ENTPD7: variants seen among roughly 807,000 people sequenced by gnomAD.
ENTPD7 encodes NTPDase 7.
A neutral mutation model predicts 77.9 loss-of-function variants in ENTPD7; 53 were observed. That is an observed-to-expected ratio of 0.68 (90% CI 0.55 to 0.85). The LOEUF is 0.85. ENTPD7 is among the 40% of genes least tolerant of loss of function. The probability of loss-of-function intolerance (pLI) is 0.00; values close to 1 mark genes in which losing one functional copy is unlikely to be tolerated. For missense variants in ENTPD7, 636 were observed against 743.7 expected (o/e 0.86, Z 1.68); for synonymous variants, 248 against 274.9 (o/e 0.90, Z 0.97).
At chr10:99,671,428 A>T (rs1305721831) in intron 3 of ENTPD7, among the ~76,000 whole-genome samples, 1 of 148,888 alleles carries the variant, frequency 6.7e-6, no homozygotes, top group Non-Finnish European at 1.5e-5. Context: ...TCCTTTTAAA[A>T]CTTATTTGTT....
At position 99,696,148 on chromosome 10, in the gene ENTPD7, T is replaced by C. The variant is rs541215340; in HGVS notation, c.1010+26T>C. 6.8e-5 allele frequency: 110 copies of C among 1,610,596 alleles called. 2 individuals carry two copies. The highest frequency in any genetic ancestry group is 3.3e-4 in the South Asian group (30 of 90,710). On this transcript the variant is annotated intron_variant, in intron 9 of 12. Coordinates refer to ENST00000370489, the MANE Select transcript of ENTPD7 (RefSeq NM_020354.5). Reference sequence around the variant, plus strand: ...GTACATTTGATATGGGATCTGAGTTTCTGAAATATAATGTCAGGCTGCAGA... The same window carrying C: ...GTACATTTGATATGGGATCTGAGTTCCTGAAATATAATGTCAGGCTGCAGA...
At chr10:99,688,798 T>C (rs991860402) in intron 7 of ENTPD7, 48 bp downstream of exon 7, 10 of 1,586,946 alleles carry the variant, frequency 6.3e-6, no homozygotes, top group Non-Finnish European at 8.6e-6. Context: ...GGCTGAAGAT[T>C]TAAGTTATAA....
chr10:99,673,698 C>T (rs953823030), intron 3 of ENTPD7, among the ~76,000 whole-genome samples: 6 of 152,106 alleles, frequency 3.9e-5, no homozygotes, highest in African/African-American at 1.2e-4. Context: ...CTTATTTTGG[C>T]AGGAATCAGA....
At chr10:99,671,020 A>AAATAAT (rs60465828) in intron 3 of ENTPD7, among the ~76,000 whole-genome samples, 5 of 151,520 alleles carry the variant, frequency 3.3e-5, no homozygotes, top group Non-Finnish European at 5.9e-5. Context: ...CCTGTCTCAA[A>AAATAAT]AATAATAATA....
Position 99,708,915 on chromosome 10 carries a change from A to G in ENTPD7, c.*4232A>G, listed in dbSNP as rs2133544284. The G allele has an allele frequency of 1.0e-6, 1 of 985,440 alleles. No individual in the cohort carries two copies. Among genetic ancestry groups the G allele is most frequent in the Non-Finnish European group, 1.2e-6 (1 of 829,908 alleles). 61.0% of individuals were successfully genotyped at this position (985,440 alleles called of 1,614,324 possible). On this transcript the variant is annotated 3_prime_UTR_variant, in exon 13 of 13. Transcript: ENST00000370489. ...TCTATTTTTTATAAAACAGCTGGCC[A>G]CAACTAACCATGCCCCATCTTTACA...
At position 99,679,396 on chromosome 10, in the gene ENTPD7, C is replaced by G; in HGVS notation, c.327C>G (p.Pro109=). ...TCTGGCCAAGACATAATGGGAACCC[C>G]CATGACTTGCTGGACATCAAACAGA... ...VYFWPRHNGN[P]HDLLDIKQMR... The change falls in exon 4 of 13, where the codon CCC becomes CCG. Residue 109 remains proline (P), a synonymous_variant. Coordinates refer to ENST00000370489, the MANE Select transcript of ENTPD7 (RefSeq NM_020354.5). 6.2e-7 allele frequency: 1 copy of G among 1,614,054 alleles called. No individual in the cohort carries two copies. Among genetic ancestry groups the G allele is most frequent in the Non-Finnish European group, 8.5e-7 (1 of 1,180,008 alleles).
intron 7 of ENTPD7, among the ~76,000 whole-genome samples, chr10:99,690,131 C>A (rs1374706417): frequency 1.3e-5 from 2 of 152,022 alleles, no homozygotes; most frequent in African/African-American, 4.8e-5. Context: ...TTAATATGAC[C>A]CCAATACTCT....
At chr10:99,666,754 C>A (rs1452048577) in intron 3 of ENTPD7, among the ~76,000 whole-genome samples, 1 of 152,166 alleles carries the variant, frequency 6.6e-6, no homozygotes, top group East Asian at 1.9e-4. Flanking sequence ...TTGTGCAAAA[C>A]CACCTAACAG....
rs751025369 is a variant in ENTPD7 at position 99,680,800 on chromosome 10, C to G, written c.548+925C>G. On this transcript the variant is annotated intron_variant, in intron 5 of 12. Transcript: ENST00000370489. ...CCATGTTGCCCAGGCTGGTTTAGAA[C>G]TCCTGGGCTCAAGTGATCCGCTTGC... Among the ~76,000 whole-genome samples, 5 of 152,110 alleles carry G rather than the reference C, an allele frequency of 3.3e-5. No homozygotes were observed. In the South Asian group the frequency reaches 1.0e-3, roughly 31 times the overall value.
intron 12 of ENTPD7, 66 bp from the exon 13 acceptor site, chr10:99,704,386 T>G: frequency 6.6e-6 from 10 of 1,512,106 alleles, no homozygotes; most frequent in Non-Finnish European, 7.3e-6. Context: ...GCCTTTCAAA[T>G]CAGTAAATGT....
chr10:99,667,662 G>T (rs958366082), intron 3 of ENTPD7, among the ~76,000 whole-genome samples: 55 of 152,276 alleles, frequency 3.6e-4, no homozygotes, highest in African/African-American at 1.3e-3. Flanking sequence ...GTTCTCATTT[G>T]CATGGTTCTC....
At chr10:99,700,081 G>C (rs536890524) in intron 10 of ENTPD7, among the ~76,000 whole-genome samples, 1 of 152,092 alleles carries the variant, frequency 6.6e-6, no homozygotes, top group African/African-American at 2.4e-5. Flanking sequence ...CCTCCAGGAC[G>C]ACCTTCACGC....
At position 99,711,154 on chromosome 10, in the gene ENTPD7, T is replaced by C. The variant is rs2036371490; in HGVS notation, c.*6471T>C. 1.0e-6 allele frequency: 1 copy of C among 985,300 alleles called. No individual in the cohort carries two copies. 61.0% of individuals were successfully genotyped at this position (985,300 alleles called of 1,614,324 possible). The stretch of plus-strand genomic sequence containing the variant: ...CAGAAGCTCATAGATATAATACAGT[T>C]ATATAGCTAAATGCAACCAGTTGTT... On this transcript the variant is annotated 3_prime_UTR_variant, in exon 13 of 13. Coordinates refer to ENST00000370489, the MANE Select transcript of ENTPD7 (RefSeq NM_020354.5).
At chr10:99,660,246 T>C in intron 2 of ENTPD7, 1 of 900,924 alleles carries the variant, frequency 1.1e-6, no homozygotes, top group South Asian at 5.1e-5. Context: ...TGAGCAAGGC[T>C]AGGTGCCACT....
chr10:99,709,237 C>T lies in ENTPD7; in HGVS notation c.*4554C>T, dbSNP rs927762541. On this transcript the variant is annotated 3_prime_UTR_variant, in exon 13 of 13. Transcript: ENST00000370489. ...CTTGGGCAGTTTCCAGACTCTGTTA[C>T]AGAAACAGAGGGCTGTTTCTTTTTG... 4 of 985,194 alleles carry T rather than the reference C, an allele frequency of 4.1e-6. No individual in the cohort carries two copies. In the African/African-American group the frequency reaches 7.0e-5, roughly 17 times the overall value. The allele number at this position is 985,194 out of a possible 1,614,324, so 61.0% of individuals were successfully genotyped here.
Position 99,709,159 on chromosome 10 carries a change from T to G in ENTPD7, c.*4476T>G, listed in dbSNP as rs1464056818. Reference sequence around the variant, plus strand: ...ATTCATTAGATGACTACAGCCTAGATGAAGGTATAAATGCCTATTACATCT... The same window carrying G: ...ATTCATTAGATGACTACAGCCTAGAGGAAGGTATAAATGCCTATTACATCT... On this transcript the variant is annotated 3_prime_UTR_variant, in exon 13 of 13. Coordinates refer to ENST00000370489, the MANE Select transcript of ENTPD7 (RefSeq NM_020354.5). 1 of 985,134 alleles carries G rather than the reference T, an allele frequency of 1.0e-6. No homozygotes were observed. The highest frequency in any genetic ancestry group is 1.2e-6 in the Non-Finnish European group (1 of 829,740). The allele number at this position is 985,134 out of a possible 1,614,324, so 61.0% of individuals were successfully genotyped here. A position where few individuals can be genotyped will look rare whatever the true frequency, so the allele number is the denominator to read the frequency against.
intron 8 of ENTPD7, among the ~76,000 whole-genome samples, chr10:99,693,012 AG>A (rs2035909686): frequency 6.6e-6 from 1 of 152,162 alleles, no homozygotes; most frequent in South Asian, 2.1e-4. Context: ...TGGAAATGAA[AG>A]GGAGGGGACA....
At chr10:99,704,304 G>A (rs2036203598) in intron 12 of ENTPD7, 148 bp from the exon 13 acceptor site, 1 of 780,738 alleles carries the variant, frequency 1.3e-6, no homozygotes, top group Admixed American at 2.5e-5. Context: ...ATGTTCTTCA[G>A]CTTTGCCTGC....
intron 8 of ENTPD7, 140 bp downstream of exon 8, chr10:99,691,658 G>A: frequency 1.2e-6 from 1 of 854,174 alleles, no homozygotes; most frequent in Non-Finnish European, 1.8e-6. Context: ...TCTTGAGTAG[G>A]TTACCTCTCT....
Sources: allele counts gnomAD v4.1 joint callset (sites outside exome capture counted in the v4.1 genomes callset), GRCh38; gene constraint gnomAD v4.1.1; transcripts MANE v1.5; gene names NCBI Gene and HGNC (gene_info 2026-07-23, HGNC 2026-07-21).